ADCY8: variants seen among roughly 807,000 people sequenced by gnomAD.
ADCY8 encodes the protein adenylate cyclase type 8.
ADCY8 carries 51 observed loss-of-function variants against 119.7 expected under a neutral mutation model. The observed-to-expected ratio is 0.43, with a 90% confidence interval of 0.34 to 0.54. The LOEUF (loss-of-function observed/expected upper bound fraction) is 0.54, where lower values mean the gene tolerates loss of function less well. Ranked by LOEUF, ADCY8 falls within the 20% of genes least tolerant of loss-of-function variation. ADCY8 has a pLI of 0.03. For synonymous variants in ADCY8, 665 were observed against 651.0 expected (o/e 1.02, Z -0.33); for missense variants, 1,383 against 1,598.8 (o/e 0.87, Z 2.30).
At chr8:130,833,721 C>T (rs1008209003) in intron 12 of ADCY8, among the ~76,000 whole-genome samples, 1 of 152,120 alleles carries the variant, frequency 6.6e-6, no homozygotes, top group African/African-American at 2.4e-5. Flanking sequence ...CTAATATAGA[C>T]AGATGATATA....
rs1002222940 is a variant in ADCY8, at chr8:130,839,690, A to G, written c.2503-3241T>C. On this transcript the variant is annotated intron_variant, in intron 11 of 17. Coordinates refer to ENST00000286355, the MANE Select transcript of ADCY8 (RefSeq NM_001115.3). The stretch of plus-strand genomic sequence containing the variant: ...AAAAAACAAGCAATTTTTGTGTTAT[A>G]TTACTCCAGGAACTTAGAAGGCCCA... Among the ~76,000 whole-genome samples the G allele has an allele frequency of 3.6e-5, 5 of 140,496 alleles. 1 individual carries two copies. Among genetic ancestry groups the G allele is most frequent in the Non-Finnish European group, 6.5e-5 (4 of 62,004 alleles). The allele number at this position is 140,496 out of a possible 152,430, so 92.2% of individuals were successfully genotyped here.
intron 14 of ADCY8, among the ~76,000 whole-genome samples, chr8:130,809,589 T>TG (rs5895059): frequency 0.96 from 146,476 of 152,254 alleles, 70,500 homozygotes; most frequent in African/African-American, 0.99. Context: ...GATTAACATC[T>TG]GGTCCTAGGA....
chr8:131,013,594 A>T (rs1823378381), intron 1 of ADCY8, among the ~76,000 whole-genome samples: 1 of 152,162 alleles, frequency 6.6e-6, no homozygotes, highest in Non-Finnish European at 1.5e-5. Flanking sequence ...CCTCCTCCAT[A>T]GCAGATGGCA....
At chr8:130,848,996 G>A (rs1817424549) in intron 10 of ADCY8, among the ~76,000 whole-genome samples, 1 of 152,078 alleles carries the variant, frequency 6.6e-6, no homozygotes, top group Admixed American at 6.6e-5. Context: ...CCATTAAATG[G>A]GGACAATAAT....
chr8:130,917,514 G>T (rs1820164769), intron 5 of ADCY8, among the ~76,000 whole-genome samples: 1 of 152,270 alleles, frequency 6.6e-6, no homozygotes, highest in East Asian at 1.9e-4. Flanking sequence ...AAGCAGGGTG[G>T]ATCTAGGGAG....
chr8:130,912,430 G>A (rs1040165589), intron 5 of ADCY8, among the ~76,000 whole-genome samples: 6 of 152,218 alleles, frequency 3.9e-5, no homozygotes, highest in Middle Eastern at 3.4e-3. Flanking sequence ...TAAGGTCCTC[G>A]AAGGCATTAT....
At chr8:130,988,640 A>C (rs964955921) in intron 2 of ADCY8, among the ~76,000 whole-genome samples, 2 of 152,112 alleles carry the variant, frequency 1.3e-5, no homozygotes, top group Non-Finnish European at 2.9e-5. Context: ...CTTTTCACTA[A>C]ATTCTAGTTG....
intron 14 of ADCY8, among the ~76,000 whole-genome samples, chr8:130,810,452 G>A (rs1161170130): frequency 6.6e-6 from 1 of 151,746 alleles, no homozygotes; most frequent in African/African-American, 2.4e-5. Context: ...GGGCACAGAA[G>A]AAAGCAATCT....
intron 7 of ADCY8, among the ~76,000 whole-genome samples, chr8:130,900,343 A>G (rs952613359): frequency 6.6e-6 from 1 of 152,170 alleles, no homozygotes; most frequent in Non-Finnish European, 1.5e-5. Flanking sequence ...AGTGATTTTC[A>G]TTGCTCCTCC....
chr8:130,809,164 C>T (rs1816081918), intron 14 of ADCY8, among the ~76,000 whole-genome samples: 2 of 152,140 alleles, frequency 1.3e-5, no homozygotes, highest in Admixed American at 1.3e-4. Context: ...TTGAGTCATC[C>T]TTTGTCACAG....
chr8:130,873,393 A>G lies in ADCY8; in HGVS notation c.2110-5447T>C, dbSNP rs13439383. ...CAATGCAATGGTGTGATCTCGGCTC[A>G]GCGCAACCTCCACCTTGCAGGTTCA... On this transcript the variant is annotated intron_variant, in intron 8 of 17. Transcript: ENST00000286355. Among the ~76,000 whole-genome samples the G allele has an allele frequency of 7.0e-3, 1,045 of 149,724 alleles. 14 individuals are homozygous for G. The highest frequency in any genetic ancestry group is 0.023 in the African/African-American group (952 of 40,612).
At chr8:130,916,470 GCTT>G (rs1184197294) in intron 5 of ADCY8, among the ~76,000 whole-genome samples, 1 of 152,214 alleles carries the variant, frequency 6.6e-6, no homozygotes, top group East Asian at 1.9e-4. Context: ...GGGTCCATCT[GCTT>G]CTTAAAATGT....
At chr8:130,873,322 CT>C (rs780525341) in intron 8 of ADCY8, among the ~76,000 whole-genome samples, 180 of 145,952 alleles carry the variant, frequency 1.2e-3, no homozygotes, top group Middle Eastern at 3.6e-3. Context: ...TGTACTCTGT[CT>C]TTTTTTTTTT....
At chr8:131,020,898 T>C (rs1823645035) in intron 1 of ADCY8, among the ~76,000 whole-genome samples, 1 of 152,204 alleles carries the variant, frequency 6.6e-6, no homozygotes, top group South Asian at 2.1e-4. Context: ...GTATTTATTA[T>C]GTGCTATAAA....
intron 1 of ADCY8, among the ~76,000 whole-genome samples, chr8:131,018,225 A>G (rs1823543897): frequency 6.6e-6 from 1 of 152,260 alleles, no homozygotes; most frequent in Admixed American, 6.5e-5. Context: ...CCTCAAAGAA[A>G]GAGAGGTAGT....
At chr8:130,841,541 C>T (rs1817142805) in intron 11 of ADCY8, among the ~76,000 whole-genome samples, 1 of 152,200 alleles carries the variant, frequency 6.6e-6, no homozygotes, top group South Asian at 2.1e-4. Flanking sequence ...ACACCAAAAA[C>T]TGTGCCAGGC....
At chr8:131,001,075 G>T (rs1335777335) in intron 1 of ADCY8, among the ~76,000 whole-genome samples, 1 of 152,078 alleles carries the variant, frequency 6.6e-6, no homozygotes, top group African/African-American at 2.4e-5. Context: ...CCTCACAAAG[G>T]TGTTCTCAAG....
At chr8:130,947,613 G>A (rs1586596180) in intron 3 of ADCY8, among the ~76,000 whole-genome samples, 1 of 152,270 alleles carries the variant, frequency 6.6e-6, no homozygotes, top group Non-Finnish European at 1.5e-5. Flanking sequence ...GGGCTGGCTG[G>A]AAATTAACAG....
intron 13 of ADCY8, among the ~76,000 whole-genome samples, chr8:130,816,427 C>CTTTTTTTTT (rs59803292): frequency 1.7e-5 from 2 of 121,194 alleles, no homozygotes; most frequent in Admixed American, 1.0e-4. Flanking sequence ...ATTTTTTTTT[C>CTTTTTTTTT]TTTTTTTTTT....
Sources: allele counts gnomAD v4.1 joint callset (sites outside exome capture counted in the v4.1 genomes callset), GRCh38; gene constraint gnomAD v4.1.1; transcripts MANE v1.5; gene names NCBI Gene and HGNC (gene_info 2026-07-23, HGNC 2026-07-21).